ADARB2: variants seen among roughly 807,000 people sequenced by gnomAD.
ADARB2 encodes the protein inactive double-stranded RNA-specific editase B2.
In ADARB2, 25 loss-of-function variants were observed where a neutral mutation model predicts 62.2. The observed-to-expected ratio is 0.40, with a 90% CI of 0.29 to 0.56. The LOEUF is 0.56. ADARB2 is among the 20% of genes least tolerant of loss of function. ADARB2 has a pLI of 0.43. For missense variants in ADARB2, 1,071 were observed against 1,077.4 expected, an observed-to-expected ratio of 0.99 and a Z score of 0.08; for synonymous variants, 572 against 500.8, an observed-to-expected ratio of 1.14 and a Z score of -1.90.
intron 4 of ADARB2, among the ~76,000 whole-genome samples, chr10:1,246,098 G>A (rs1830984095): frequency 6.6e-6 from 1 of 151,862 alleles, no homozygotes; most frequent in Non-Finnish European, 1.5e-5. Flanking sequence ...GTGATGATGA[G>A]CATTTTTTCA....
intron 8 of ADARB2, among the ~76,000 whole-genome samples, chr10:1,194,912 G>T (rs1225360976): frequency 6.6e-6 from 1 of 152,090 alleles, no homozygotes; most frequent in African/African-American, 2.4e-5. Context: ...TCCTGTGTCT[G>T]CTTGTTTTTT....
At chr10:1,196,919 T>C (rs1836919078) in intron 8 of ADARB2, among the ~76,000 whole-genome samples, 2 of 152,190 alleles carry the variant, frequency 1.3e-5, no homozygotes, top group Non-Finnish European at 1.5e-5. Context: ...CCTTTTAGAT[T>C]GTTCTAGCAA....
chr10:1,202,603 C>T (rs982036292), intron 7 of ADARB2, among the ~76,000 whole-genome samples: 2 of 152,174 alleles, frequency 1.3e-5, no homozygotes, highest in South Asian at 2.1e-4. Flanking sequence ...GTAAGATGCC[C>T]GTTCTCAGAT....
At chr10:1,411,703 A>G (rs1832761274) in intron 1 of ADARB2, among the ~76,000 whole-genome samples, 1 of 152,148 alleles carries the variant, frequency 6.6e-6, no homozygotes, top group Non-Finnish European at 1.5e-5. Context: ...TCCGCCGGCA[A>G]GAAGCGGATC....
At position 1,556,648 on chromosome 10, in the gene ADARB2, T is replaced by C. The variant is rs1195110301; in HGVS notation, c.101-177488A>G. The C allele has an allele frequency of 3.8e-6, 2 of 533,142 alleles. 1 individual carries two copies. The highest frequency in any genetic ancestry group is 3.9e-5 in the Admixed American group (2 of 51,372). The allele number at this position is 533,142 out of a possible 1,614,324, so 33.0% of individuals were successfully genotyped here. A position where few individuals can be genotyped will look rare whatever the true frequency, so the allele number is the denominator to read the frequency against. On this transcript the variant is annotated intron_variant, in intron 1 of 9. Transcript: ENST00000381312. ...CCCTGATGTCTGTTCTCACATCACA[T>C]TGCGCTCCAAGTACCCCGGCTGCAA...
At chr10:1,721,846 G>T (rs1564204489) in intron 1 of ADARB2, among the ~76,000 whole-genome samples, 1 of 152,028 alleles carries the variant, frequency 6.6e-6, no homozygotes, top group Non-Finnish European at 1.5e-5. Flanking sequence ...ACTGGAGAGG[G>T]GTCCAGAGAA....
chr10:1,582,706 G>A (rs1833122529), intron 1 of ADARB2, among the ~76,000 whole-genome samples: 1 of 152,106 alleles, frequency 6.6e-6, no homozygotes, highest in Non-Finnish European at 1.5e-5. Context: ...TAGTGCAAAT[G>A]CTACTCTTCT....
At chr10:1,539,765 C>G (rs1293721385) in intron 1 of ADARB2, among the ~76,000 whole-genome samples, 2 of 152,168 alleles carry the variant, frequency 1.3e-5, no homozygotes, top group African/African-American at 4.8e-5. Context: ...AAAGTGGTGA[C>G]AAAATAATTC....
intron 3 of ADARB2, among the ~76,000 whole-genome samples, chr10:1,289,037 C>T (rs376751232): frequency 3.7e-4 from 56 of 152,258 alleles, no homozygotes; most frequent in African/African-American, 1.3e-3. Flanking sequence ...AGCCAACCAG[C>T]CTTAACATCA....
intron 4 of ADARB2, among the ~76,000 whole-genome samples, chr10:1,262,738 C>G (rs1474875547): frequency 6.6e-6 from 1 of 152,188 alleles, no homozygotes; most frequent in Non-Finnish European, 1.5e-5. Flanking sequence ...CCTCAGGGAT[C>G]TAGAACTAGA....
At chr10:1,536,248 G>A (rs1342141034) in intron 1 of ADARB2, among the ~76,000 whole-genome samples, 3 of 152,272 alleles carry the variant, frequency 2.0e-5, no homozygotes, top group Non-Finnish European at 4.4e-5. Flanking sequence ...AAGAGACCGG[G>A]CTCTTGCTCT....
chr10:1,712,190 C>T (rs1834956063), intron 1 of ADARB2, among the ~76,000 whole-genome samples: 1 of 152,180 alleles, frequency 6.6e-6, no homozygotes, highest in Non-Finnish European at 1.5e-5. Flanking sequence ...GGACAAAGAC[C>T]TCAGTGACAA....
intron 1 of ADARB2, chr10:1,675,978 G>A (rs1834462479): frequency 8.1e-6 from 8 of 983,098 alleles, no homozygotes; most frequent in South Asian, 4.7e-5. Context: ...TGTGGAGTAA[G>A]GGCTGCATCC....
chr10:1,705,247 T>C (rs1834873862), intron 1 of ADARB2, among the ~76,000 whole-genome samples: 1 of 152,224 alleles, frequency 6.6e-6, no homozygotes, highest in Non-Finnish European at 1.5e-5. Flanking sequence ...CGGCTGTGCT[T>C]GGCAGGGTTG....
chr10:1,589,052 C>A (rs1445626624), intron 1 of ADARB2, among the ~76,000 whole-genome samples: 1 of 152,182 alleles, frequency 6.6e-6, no homozygotes, highest in Non-Finnish European at 1.5e-5. Context: ...TCTTGTGTAC[C>A]CCTCTTCCTC....
chr10:1,263,865 C>A (rs977655824), intron 4 of ADARB2, among the ~76,000 whole-genome samples: 1 of 152,142 alleles, frequency 6.6e-6, no homozygotes, highest in East Asian at 1.9e-4. Context: ...TCGGGTGGAA[C>A]AAATGTCCAG....
rs114454758 is a variant in ADARB2 at position 1,257,127 on chromosome 10, C to T, written c.1192+13828G>A. Among the ~76,000 whole-genome samples the T allele has an allele frequency of 2.4e-3, 368 of 152,330 alleles. 2 individuals are homozygous for T. Among genetic ancestry groups the T allele is most frequent in the Middle Eastern group, 0.01 (3 of 294 alleles). On this transcript the variant is annotated intron_variant, in intron 4 of 9. Coordinates refer to ENST00000381312, the MANE Select transcript of ADARB2 (RefSeq NM_018702.4). The stretch of plus-strand genomic sequence containing the variant: ...CTGTGTTCAGGCCCTGTGAGCTCCA[C>T]GCCCTCTCTGCTGACCTCTAATACT...
rs141695100 is a variant in ADARB2, at chr10:1,389,748, A to AAAATAAAT, written c.101-10596_101-10589dup. The stretch of plus-strand genomic sequence containing the variant: ...ACAGGCAGAGTGAGACTCTGACTCA[A>AAAATAAAT]AAATAAATAAATAAATAAATAAATA... On this transcript the variant is annotated intron_variant, in intron 1 of 9. Transcript: ENST00000381312. Among the ~76,000 whole-genome samples, 1,156 of 146,458 alleles carry AAAATAAAT rather than the reference A, an allele frequency of 7.9e-3. 8 individuals are homozygous for AAAATAAAT. The highest frequency in any genetic ancestry group is 0.016 in the African/African-American group (646 of 39,762).
rs1261217340 is a variant in ADARB2 at position 1,200,161 on chromosome 10, C to T, written c.1683-14G>A. On this transcript the variant is annotated splice_polypyrimidine_tract_variant and intron_variant, in intron 7 of 9. Transcript: ENST00000381312. ...AGGACGTTCCACCTGTGGGGAGAGC[C>T]AGCAGTCAGCGGAGCCCCACCCAGG... The T allele has an allele frequency of 1.3e-6, 2 of 1,550,202 alleles. No homozygotes were observed. The highest frequency in any genetic ancestry group is 3.9e-5 in the Admixed American group (2 of 50,998).
Sources: allele counts gnomAD v4.1 joint callset (sites outside exome capture counted in the v4.1 genomes callset), GRCh38; gene constraint gnomAD v4.1.1; transcripts MANE v1.5; gene names NCBI Gene and HGNC (gene_info 2026-07-23, HGNC 2026-07-21).